Variants in CELF2 observed in about 807,000 individuals in gnomAD.
CELF2 encodes the protein CUGBP Elav-like family member 2, also known as CUG triplet repeat RNA-binding protein 2.
CELF2 carries 8 observed loss-of-function variants against 62.6 expected under a neutral mutation model. The ratio of observed to expected loss-of-function variants is 0.13; its 90% CI spans 0.07 to 0.23. The LOEUF is 0.23. Among genes scored for constraint, CELF2 ranks in the 10% least tolerant of loss-of-function variants. The probability of loss-of-function intolerance (pLI) is 1.00; values close to 1 mark genes in which losing one functional copy is unlikely to be tolerated. For synonymous variants in CELF2, 258 were observed against 250.0 expected (o/e 1.03, Z -0.30); for missense variants, 333 against 671.0 (o/e 0.50, Z 5.56).
rs542943000 is a variant in CELF2 at position 10,996,956 on chromosome 10, A to G, written c.89+76957A>G. 6.8e-4 allele frequency among the ~76,000 whole-genome samples: 103 copies of G among 152,168 alleles called. 1 individual carries two copies. The highest frequency in any genetic ancestry group is 3.9e-3 in the South Asian group (19 of 4,816). On this transcript the variant is annotated intron_variant, in intron 2 of 13. Coordinates refer to the CELF2 transcript ENST00000636488. Reference sequence around the variant, plus strand: ...TGCCTTCTTGGTCAACAGTATCATCATTTGCCAAATTGTCCGTGTTGGAAA... The same window carrying G: ...TGCCTTCTTGGTCAACAGTATCATCGTTTGCCAAATTGTCCGTGTTGGAAA...
Position 11,094,630 on chromosome 10 carries a change from A to G in CELF2, c.75-70856A>G, listed in dbSNP as rs534443084. On this transcript the variant is annotated intron_variant, in intron 1 of 12. Transcript: ENST00000633077. The stretch of plus-strand genomic sequence containing the variant: ...GAAGTGAGAGCTGTGTCTATATGTT[A>G]AATACATCGGCTGATTTATTTTTAA... 7.2e-5 allele frequency among the ~76,000 whole-genome samples: 11 copies of G among 152,312 alleles called. No individual in the cohort carries two copies. The South Asian group carries it at 2.3e-3, about 32-fold the overall frequency.
intron 1 of CELF2, among the ~76,000 whole-genome samples, chr10:11,146,946 G>T (rs1329458668): frequency 6.6e-6 from 1 of 152,210 alleles, no homozygotes; most frequent in Non-Finnish European, 1.5e-5. Context: ...AGAAGAAGAT[G>T]GAGCTGATTT....
intron 1 of CELF2, among the ~76,000 whole-genome samples, chr10:10,837,413 A>G (rs1258158744): frequency 3.9e-5 from 6 of 152,150 alleles, no homozygotes; most frequent in Non-Finnish European, 8.8e-5. Flanking sequence ...TTTCTTTATA[A>G]ATGACCCAGT....
At chr10:10,992,559 G>A (rs891079121) in intron 2 of CELF2, among the ~76,000 whole-genome samples, 4 of 152,140 alleles carry the variant, frequency 2.6e-5, no homozygotes, top group Admixed American at 2.0e-4. Context: ...CACAAAATTT[G>A]TGCCAATGAA....
intron 1 of CELF2, among the ~76,000 whole-genome samples, chr10:10,834,915 C>T (rs780178615): frequency 6.6e-6 from 1 of 152,192 alleles, no homozygotes; most frequent in Non-Finnish European, 1.5e-5. Context: ...TCTCCCTGGG[C>T]TCCACACCTT....
chr10:10,873,032 A>G (rs1254522606), intron 1 of CELF2, among the ~76,000 whole-genome samples: 2 of 151,554 alleles, frequency 1.3e-5, no homozygotes, highest in South Asian at 2.1e-4. Context: ...TTCCTCACTC[A>G]CTCACATTTG....
chr10:11,245,531 A>AT (rs1331772133), intron 3 of CELF2, among the ~76,000 whole-genome samples: 1 of 152,136 alleles, frequency 6.6e-6, no homozygotes, highest in African/African-American at 2.4e-5. Flanking sequence ...TGCGAAGTTG[A>AT]TTTTTCCCCT....
chr10:10,564,684 A>G, the CELF2 span, among the ~76,000 whole-genome samples: 31,256 of 105,574 alleles, frequency 0.3, 3,709 homozygotes, highest in South Asian at 0.38. Context: ...GCACACACGC[A>G]CACACACACA....
chr10:10,972,170 C>A lies in CELF2; in HGVS notation c.89+52171C>A, dbSNP rs2050822429. ...TTCTCTGTGGCACTGAGCTCACAGACAATTTCTTATTCAGGGAAACTCGCT... is the reference window on the plus strand; with the variant it reads ...TTCTCTGTGGCACTGAGCTCACAGAAAATTTCTTATTCAGGGAAACTCGCT... On this transcript the variant is annotated intron_variant, in intron 2 of 13. Transcript: ENST00000636488. This position sits in a 1 kb window ranked among gnomAD's most constrained non-coding sequence, Gnocchi z 4.4. Among the ~76,000 whole-genome samples, 1 of 152,148 alleles carries A rather than the reference C, an allele frequency of 6.6e-6. No individual in the cohort carries two copies. Among genetic ancestry groups the A allele is most frequent in the Non-Finnish European group, 1.5e-5 (1 of 68,026 alleles).
intron 2 of CELF2, among the ~76,000 whole-genome samples, chr10:11,182,227 A>G (rs1480781432): frequency 6.6e-6 from 1 of 152,214 alleles, no homozygotes; most frequent in African/African-American, 2.4e-5. Context: ...GAACAATTCC[A>G]TTCTGGCAAG....
At position 10,857,649 on chromosome 10, in the gene CELF2, GTATATA is replaced by G. The variant is rs779543257; in HGVS notation, c.53+58860_53+58865del. Among the ~76,000 whole-genome samples, 167 of 94,210 alleles carry G rather than the reference GTATATA, an allele frequency of 1.8e-3. 3 individuals are homozygous for G. Among genetic ancestry groups the G allele is most frequent in the Admixed American group, 4.6e-3 (37 of 7,960 alleles). 61.8% of individuals were successfully genotyped at this position (94,210 alleles called of 152,430 possible). On this transcript the variant is annotated intron_variant, in intron 1 of 13. Transcript: ENST00000636488. ...ATATGTGGTAAACTACATATATATA[GTATATA>G]TATATATATATATATATATATATAT...
the CELF2 span, among the ~76,000 whole-genome samples, chr10:10,472,562 C>T: frequency 2.0e-5 from 3 of 151,686 alleles, no homozygotes. Context: ...CATTGTGAGT[C>T]AGTTTCTATT....
intron 2 of CELF2, among the ~76,000 whole-genome samples, chr10:11,000,117 C>T (rs568730070): frequency 6.6e-6 from 1 of 152,282 alleles, no homozygotes; most frequent in East Asian, 1.9e-4. Flanking sequence ...AACATGTTGT[C>T]TGCTAAGTTG....
chr10:11,063,259 C>T (rs1319437489), intron 1 of CELF2, among the ~76,000 whole-genome samples: 8 of 152,156 alleles, frequency 5.3e-5, no homozygotes, highest in African/African-American at 1.7e-4. Flanking sequence ...TATTTAGGAA[C>T]ATGGCACATA....
chr10:11,186,586 T>G (rs1236704843), intron 2 of CELF2, among the ~76,000 whole-genome samples: 1 of 152,196 alleles, frequency 6.6e-6, no homozygotes, highest in Non-Finnish European at 1.5e-5. Flanking sequence ...GACCTGTGGG[T>G]TATTCAGAAT....
chr10:10,775,574 T>G, the CELF2 span, among the ~76,000 whole-genome samples: 1 of 150,866 alleles, frequency 6.6e-6, no homozygotes, highest in Non-Finnish European at 1.5e-5. Flanking sequence ...TGTAGTGAAC[T>G]GAGATGGTGC....
chr10:10,563,564 C>T, the CELF2 span, among the ~76,000 whole-genome samples: 7 of 147,348 alleles, frequency 4.8e-5, no homozygotes, highest in East Asian at 4.0e-4. Flanking sequence ...GCCAAGATTG[C>T]GCCACTGCAC....
At chr10:11,037,775 C>A (rs1017091835) in intron 1 of CELF2, among the ~76,000 whole-genome samples, 1 of 152,150 alleles carries the variant, frequency 6.6e-6, no homozygotes, top group Non-Finnish European at 1.5e-5. Flanking sequence ...ACTTTAGTCT[C>A]CACTTTGAAA....
chr10:10,883,844 T>C (rs896701347), intron 1 of CELF2, among the ~76,000 whole-genome samples: 4 of 152,170 alleles, frequency 2.6e-5, no homozygotes, highest in African/African-American at 7.2e-5. Flanking sequence ...ATTGAACAGA[T>C]GATGAGGGCT....
Sources: gnomAD v4.1 joint callset for allele counts (sites outside exome capture counted in the v4.1 genomes callset) on GRCh38, gnomAD v4.1.1 for gene constraint, Gnocchi (gnomAD v3.1) non-coding constraint, MANE v1.5 for transcripts, NCBI Gene and HGNC (gene_info 2026-07-23, HGNC 2026-07-21) for gene names.